NEGR1: variants seen among roughly 807,000 people sequenced by gnomAD.
NEGR1 encodes the protein neuronal growth regulator 1, also known as IgLON family member 4.
A neutral mutation model predicts 40.9 loss-of-function variants in NEGR1; 10 were observed. The observed-to-expected ratio is 0.24, with a 90% confidence interval of 0.15 to 0.42. The LOEUF is 0.42. Ranked by LOEUF, NEGR1 falls within the 10% of genes least tolerant of loss-of-function variation. The pLI is 1.00. For synonymous variants in NEGR1, 185 were observed against 166.8 expected, an observed-to-expected ratio of 1.11 and a Z score of -0.84; for missense variants, 352 against 438.9, an observed-to-expected ratio of 0.80 and a Z score of 1.77.
chr1:71,653,436 C>T (rs17097600), intron 4 of NEGR1, among the ~76,000 whole-genome samples: 2,699 of 152,280 alleles, frequency 0.018, 57 homozygotes, highest in African/African-American at 0.056. Flanking sequence ...TTAGCCAACT[C>T]TGTGTATGAA....
At chr1:72,020,512 A>G (rs947669674) in intron 1 of NEGR1, among the ~76,000 whole-genome samples, 1 of 152,206 alleles carries the variant, frequency 6.6e-6, no homozygotes, top group Non-Finnish European at 1.5e-5. Flanking sequence ...ACTAGATAAA[A>G]CAAAACACAG....
chr1:72,254,510 G>A (rs1428637382), intron 1 of NEGR1, among the ~76,000 whole-genome samples: 1 of 151,960 alleles, frequency 6.6e-6, no homozygotes, highest in African/African-American at 2.4e-5. Flanking sequence ...TGACCATCCT[G>A]ACTAACACGA....
At chr1:72,191,543 TATG>T (rs1241729635) in intron 1 of NEGR1, among the ~76,000 whole-genome samples, 2 of 151,852 alleles carry the variant, frequency 1.3e-5, no homozygotes, top group African/African-American at 2.4e-5. Context: ...ATATGTTTCT[TATG>T]ATAATAAACA....
chr1:72,267,619 C>T (rs954150981), intron 1 of NEGR1, among the ~76,000 whole-genome samples: 1 of 151,182 alleles, frequency 6.6e-6, no homozygotes, highest in South Asian at 2.1e-4. Context: ...TTCCATTGTG[C>T]ATAGGCATGT....
At chr1:71,545,644 A>C (rs1191785578) in intron 6 of NEGR1, among the ~76,000 whole-genome samples, 1 of 151,372 alleles carries the variant, frequency 6.6e-6, no homozygotes, top group East Asian at 2.0e-4. Context: ...AATATGATTC[A>C]TTGTGTGCCA....
chr1:72,096,524 G>A (rs886339863), intron 1 of NEGR1, among the ~76,000 whole-genome samples: 2 of 151,028 alleles, frequency 1.3e-5, no homozygotes, highest in African/African-American at 4.8e-5. Context: ...ATATAGATCA[G>A]AAAATCATAG....
chr1:71,779,078 A>C (rs1489467333), intron 2 of NEGR1, among the ~76,000 whole-genome samples: 2 of 152,178 alleles, frequency 1.3e-5, no homozygotes, highest in African/African-American at 4.8e-5. Flanking sequence ...AGAGGATGTT[A>C]GTAAGAGAAA....
intron 6 of NEGR1, among the ~76,000 whole-genome samples, chr1:71,533,092 C>T (rs1013655383): frequency 6.6e-6 from 1 of 151,530 alleles, no homozygotes; most frequent in East Asian, 2.0e-4. Context: ...CACAACACCC[C>T]ATCACTGACT....
chr1:72,198,198 C>T (rs916659046), intron 1 of NEGR1, among the ~76,000 whole-genome samples: 2 of 151,860 alleles, frequency 1.3e-5, no homozygotes, highest in African/African-American at 2.4e-5. Flanking sequence ...TAGCTAGGAG[C>T]GTACATATAA....
At chr1:71,768,952 C>T (rs1167194173) in intron 3 of NEGR1, among the ~76,000 whole-genome samples, 1 of 152,166 alleles carries the variant, frequency 6.6e-6, no homozygotes, top group Non-Finnish European at 1.5e-5. Flanking sequence ...GACATGCCTA[C>T]TTCCCCTTCA....
chr1:72,053,880 T>TAA (rs59398777), intron 1 of NEGR1, among the ~76,000 whole-genome samples: 2,115 of 147,096 alleles, frequency 0.014, 37 homozygotes, highest in African/African-American at 0.048. Flanking sequence ...ATTTTAAGAT[T>TAA]AAAAAAAAAA....
At chr1:71,439,259 G>A (rs566673212) in intron 6 of NEGR1, among the ~76,000 whole-genome samples, 3 of 152,276 alleles carry the variant, frequency 2.0e-5, no homozygotes, top group African/African-American at 7.2e-5. Context: ...AACTGAGAAA[G>A]GTTGTGGGAA....
chr1:71,630,613 A>G (rs1428353609), intron 4 of NEGR1, among the ~76,000 whole-genome samples: 2 of 151,740 alleles, frequency 1.3e-5, no homozygotes, highest in Admixed American at 1.3e-4. Flanking sequence ...GCCTAGTAAT[A>G]GTATCAAATA....
chr1:72,039,486 AT>A (rs1378396591), intron 1 of NEGR1, among the ~76,000 whole-genome samples: 2 of 152,008 alleles, frequency 1.3e-5, no homozygotes, highest in Non-Finnish European at 2.9e-5. Flanking sequence ...GAATAATTAC[AT>A]TTCTTCAGGT....
chr1:71,770,900 T>C lies in NEGR1; in HGVS notation c.535+5272A>G, dbSNP rs532844963. ...TGTGGAAGACAGTGTGGTAATTCCT[T>C]AAGGATCTAGAACCAGAAATAACCA... On this transcript the variant is annotated intron_variant, in intron 3 of 6. Coordinates refer to ENST00000357731, the MANE Select transcript of NEGR1 (RefSeq NM_173808.3). 2.0e-3 allele frequency among the ~76,000 whole-genome samples: 306 copies of C among 152,206 alleles called. 1 individual carries two copies. The highest frequency in any genetic ancestry group is 7.1e-3 in the African/African-American group (296 of 41,536).
intron 2 of NEGR1, among the ~76,000 whole-genome samples, chr1:71,883,775 T>C (rs1570465141): frequency 7.5e-6 from 1 of 133,966 alleles, no homozygotes; most frequent in East Asian, 2.4e-4. Flanking sequence ...CCATCCTGTA[T>C]CCAAGTGTTC....
intron 3 of NEGR1, among the ~76,000 whole-genome samples, chr1:71,726,482 G>GGTAA (rs1277150892): frequency 6.6e-6 from 1 of 151,986 alleles, no homozygotes; most frequent in African/African-American, 2.4e-5. Flanking sequence ...AGGAGCTGGT[G>GGTAA]GTAAGAACTC....
intron 6 of NEGR1, among the ~76,000 whole-genome samples, chr1:71,568,590 C>T (rs998195934): frequency 6.6e-6 from 1 of 150,806 alleles, no homozygotes; most frequent in Non-Finnish European, 1.5e-5. Context: ...TAAATAACAA[C>T]AAAAAATGTA....
At chr1:71,625,902 A>G (rs759015731) in intron 4 of NEGR1, among the ~76,000 whole-genome samples, 14 of 151,936 alleles carry the variant, frequency 9.2e-5, no homozygotes, top group Non-Finnish European at 1.8e-4. Context: ...GCATAGCAGG[A>G]GGTGAGCTGC....
Sources: allele counts gnomAD v4.1 joint callset (sites outside exome capture counted in the v4.1 genomes callset), GRCh38; gene constraint gnomAD v4.1.1; transcripts MANE v1.5; gene names NCBI Gene and HGNC (gene_info 2026-07-23, HGNC 2026-07-21).